CENPF: variants seen among roughly 807,000 people sequenced by gnomAD.
CENPF encodes centromere protein F.
Under a neutral mutation model 307.3 loss-of-function variants are expected in CENPF, and 214 were observed. That is an observed-to-expected ratio of 0.70 (90% CI 0.62 to 0.78). CENPF has a LOEUF of 0.78. Among genes scored for constraint, CENPF ranks in the 30% least tolerant of loss-of-function variants. The probability of loss-of-function intolerance (pLI) is 0.00; values close to 1 mark genes in which losing one functional copy is unlikely to be tolerated. For missense variants in CENPF, 3,401 were observed against 3,483.9 expected (o/e 0.98, Z 0.60); for synonymous variants, 1,259 against 1,270.6 (o/e 0.99, Z 0.19).
chr1:214,608,348 C>T lies in CENPF; in HGVS notation c.-42+5027C>T, dbSNP rs1464921722. The T allele has an allele frequency of 5.0e-6, 8 of 1,610,042 alleles. No individual in the cohort carries two copies. The Admixed American group carries it at 5.0e-5, about 10-fold the overall frequency. Reference sequence around the variant, plus strand: ...AGGGCCTGCCAGGCGGCGTCGATGTCGGCATAGAGGTTCCTCTCGGAAGGC... The same window carrying T: ...AGGGCCTGCCAGGCGGCGTCGATGTTGGCATAGAGGTTCCTCTCGGAAGGC... On this transcript the variant is annotated intron_variant, in intron 1 of 19. Coordinates refer to ENST00000366955, the MANE Select transcript of CENPF (RefSeq NM_016343.4).
chr1:214,640,699 T>C lies in CENPF; in HGVS notation c.2361T>C (p.Phe787=). The C allele has an allele frequency of 6.2e-7, 1 of 1,614,100 alleles. No individual in the cohort carries two copies. The part of the protein sequence containing the change: ...NEDHQRSLLA[F]DQQPAMHHSF... ...ATCATCAGAGAAGTCTTTTGGCTTT[T>C]GATCAGCAGCCTGCCATGCATCATT... The change falls in exon 12 of 20, where the codon TTT becomes TTC. Residue 787 remains phenylalanine (F), a synonymous_variant. Transcript: ENST00000366955.
chr1:214,627,636 A>C (rs1657692668), intron 7 of CENPF, among the ~76,000 whole-genome samples: 1 of 152,044 alleles, frequency 6.6e-6, no homozygotes, highest in African/African-American at 2.4e-5. Flanking sequence ...TTGGCCTCCC[A>C]AAGTGCTGGG....
At position 214,620,898 on chromosome 1, in the gene CENPF, A is replaced by C. The variant is rs145606920; in HGVS notation, c.817A>C (p.Asn273His). 3.1e-6 allele frequency: 5 copies of C among 1,613,938 alleles called. No individual in the cohort carries two copies. The highest frequency in any genetic ancestry group is 4.2e-6 in the Non-Finnish European group (5 of 1,179,970). The change falls in exon 6 of 20, where the codon AAT becomes CAT. Residue 273 changes from asparagine to histidine, a missense_variant. By Grantham distance (68) the Asn-to-His change is moderately conservative. Coordinates refer to ENST00000366955, the MANE Select transcript of CENPF (RefSeq NM_016343.4). ...AGATGCTAATAGCAGTTTCTTTGAC[A>C]ATTCTAGCAGTCCTCATCTTTTGGA... ...KRDANSSFFDNSSSPHLLDQL... is the reference protein window; with the variant it reads ...KRDANSSFFDHSSSPHLLDQL...
At chr1:214,608,016 G>T (rs550528480) in intron 1 of CENPF, among the ~76,000 whole-genome samples, 1 of 152,336 alleles carries the variant, frequency 6.6e-6, no homozygotes, top group South Asian at 2.1e-4. Flanking sequence ...CTCCCGCCGG[G>T]TGGCATCCAC....
chr1:214,615,189 G>C (rs1657302914), intron 3 of CENPF, 161 bp downstream of exon 3: 3 of 478,828 alleles, frequency 6.3e-6, no homozygotes, highest in Non-Finnish European at 1.1e-5. Flanking sequence ...AAGAGTGGAA[G>C]ATTAAAAACA....
At chr1:214,606,504 A>G (rs1393070302) in intron 1 of CENPF, among the ~76,000 whole-genome samples, 3 of 152,164 alleles carry the variant, frequency 2.0e-5, no homozygotes, top group Non-Finnish European at 2.9e-5. Flanking sequence ...TGGCCAGGAC[A>G]GCGGACACTC....
Position 214,608,498 on chromosome 1 carries a change from G to A in CENPF, c.-42+5177G>A, listed in dbSNP as rs536242062. On this transcript the variant is annotated intron_variant, in intron 1 of 19. Transcript: ENST00000366955. ...TCCACGGCATTGCTGTGCGAGAAGA[G>A]GACCGTGTACCTGGCACCAGTCACG... is the stretch of plus-strand genomic sequence containing the variant. 3 of 1,612,392 alleles carry A rather than the reference G, an allele frequency of 1.9e-6. No homozygotes were observed. In the South Asian group the frequency reaches 3.3e-5, roughly 18 times the overall value.
In CENPF at chr1:214,645,725, G is replaced by A. The variant is rs201573129; in HGVS notation, c.6155G>A (p.Cys2052Tyr). Residue 2052 changes from cysteine to tyrosine, a missense_variant, in exon 13 of 20, where the codon TGT becomes TAT. Physicochemically the swap from Cys to Tyr is radical, Grantham distance 194. Transcript: ENST00000366955. The stretch of plus-strand genomic sequence containing the variant: ...TCACAGGCACTGTCTTTGACAAAAT[G>A]TGAGCTGGAAAACCAAATTGCACAA... ...KDSQALSLTK[C>Y]ELENQIAQLN... The A allele has an allele frequency of 9.3e-6, 15 of 1,614,184 alleles. No homozygotes were observed. In the East Asian group the frequency reaches 3.1e-4, roughly 34 times the overall value.
In CENPF at chr1:214,646,236, A is replaced by AC; in HGVS notation, c.6667dup (p.Gln2223ProfsTer15). ...ATCTGACAAAACAAATACAAGAAAAACAAGGTCAGTTGTCAGAACTAGACA... is the reference window on the plus strand; with the variant it reads ...ATCTGACAAAACAAATACAAGAAAAACCAAGGTCAGTTGTCAGAACTAGACA... On this transcript the variant is annotated frameshift_variant, in exon 13 of 20. Coordinates refer to ENST00000366955, the MANE Select transcript of CENPF (RefSeq NM_016343.4). LOFTEE classifies it high-confidence loss of function. 6.2e-7 allele frequency: 1 copy of AC among 1,613,646 alleles called. No individual in the cohort carries two copies. Among genetic ancestry groups the AC allele is most frequent in the Non-Finnish European group, 8.5e-7 (1 of 1,179,924 alleles).
At chr1:214,615,143 A>C (rs970878732) in intron 3 of CENPF, 115 bp downstream of exon 3, 1 of 612,820 alleles carries the variant, frequency 1.6e-6, no homozygotes, top group Non-Finnish European at 2.7e-6. Flanking sequence ...TTCCTGGTAG[A>C]ATAAGTAATG....
At chr1:214,653,063 T>A in intron 16 of CENPF, 74 bp downstream of exon 16, 3 of 1,341,762 alleles carry the variant, frequency 2.2e-6, no homozygotes, top group Non-Finnish European at 3.2e-6. Context: ...GGTATAGCAT[T>A]AAACGTTTTC....
At chr1:214,609,444 C>G (rs1657141330) in intron 1 of CENPF, among the ~76,000 whole-genome samples, 1 of 151,976 alleles carries the variant, frequency 6.6e-6, no homozygotes, top group South Asian at 2.1e-4. Context: ...GAAAAGTTTC[C>G]CAGAGGAAGA....
intron 18 of CENPF, among the ~76,000 whole-genome samples, chr1:214,658,139 A>C (rs1658692430): frequency 6.6e-6 from 1 of 152,014 alleles, no homozygotes; most frequent in South Asian, 2.1e-4. Context: ...TAGCCCAAAA[A>C]TAGTTATCTA....
Position 214,622,118 on chromosome 1 carries a change from A to G in CENPF, c.905A>G (p.Gln302Arg), listed in dbSNP as rs1457099277. ...ATTAATGAGTTGGAACTACGCCTGCAAGGACATGAAAAAGAAATGAAAGGC... is the reference window on the plus strand; with the variant it reads ...ATTAATGAGTTGGAACTACGCCTGCGAGGACATGAAAAAGAAATGAAAGGC... ...NKINELELRL[Q>R]GHEKEMKGQV... is the part of the protein sequence containing the mutation. Residue 302 changes from glutamine to arginine, a missense_variant, in exon 7 of 20, where the codon CAA (glutamine) becomes CGA (arginine). Physicochemically the swap from Gln to Arg is conservative, Grantham distance 43 (BLOSUM62 1). Coordinates refer to ENST00000366955, the MANE Select transcript of CENPF (RefSeq NM_016343.4). 5 of 1,614,116 alleles carry G rather than the reference A, an allele frequency of 3.1e-6. No homozygotes were observed. Among genetic ancestry groups the G allele is most frequent in the Non-Finnish European group, 4.2e-6 (5 of 1,179,998 alleles).
chr1:214,660,488 T>C (rs1401889349), intron 19 of CENPF, among the ~76,000 whole-genome samples: 1 of 152,210 alleles, frequency 6.6e-6, no homozygotes. Flanking sequence ...GAGAACAGCT[T>C]CTCTTTTAAG....
chr1:214,608,621 C>A, intron 1 of CENPF: 1 of 1,606,150 alleles, frequency 6.2e-7, no homozygotes, highest in South Asian at 1.1e-5. Flanking sequence ...TGGAAGTCGG[C>A]GCGCTCCGTC....
At chr1:214,627,257 C>T (rs59918378) in intron 7 of CENPF, among the ~76,000 whole-genome samples, 7,234 of 152,080 alleles carry the variant, frequency 0.048, 239 homozygotes, top group East Asian at 0.12. Context: ...ACGAGGTTCA[C>T]CATGTTGCCC....
chr1:214,630,204 A>G (rs1319633191), intron 8 of CENPF, among the ~76,000 whole-genome samples: 1 of 152,066 alleles, frequency 6.6e-6, no homozygotes, highest in Non-Finnish European at 1.5e-5. Flanking sequence ...TTGAGCTTTG[A>G]CTGTTGTAGC....
Position 214,645,632 on chromosome 1 carries a change from C to G in CENPF, c.6062C>G (p.Ser2021Cys), listed in dbSNP as rs762653487. The change falls in exon 13 of 20, where the codon TCT (serine) becomes TGT (cysteine). Residue 2021 changes from serine to cysteine, a missense_variant. Transcript: ENST00000366955. ...EKTELLQTLS[S>C]DVSELLKDKT... ...ACGGAACTCCTTCAGACTTTGTCCT[C>G]TGATGTGAGTGAGCTGTTAAAAGAC... 5 of 1,614,112 alleles carry G rather than the reference C, an allele frequency of 3.1e-6. No individual in the cohort carries two copies. In the Admixed American group the frequency reaches 5.0e-5, roughly 16 times the overall value.
Sources: allele counts gnomAD v4.1 joint callset (sites outside exome capture counted in the v4.1 genomes callset), GRCh38; gene constraint gnomAD v4.1.1; transcripts MANE v1.5; gene names NCBI Gene and HGNC (gene_info 2026-07-23, HGNC 2026-07-21).